The following SGCZ variants were observed in gnomAD, a reference collection of about 807,000 sequenced individuals.
SGCZ encodes the protein sarcoglycan zeta.
A neutral mutation model predicts 41.3 loss-of-function variants in SGCZ; 40 were observed. That is an observed-to-expected ratio of 0.97 (90% confidence interval 0.75 to 1.26). The LOEUF is 1.26. Among genes scored for constraint, SGCZ ranks in the 50% most tolerant of loss-of-function variants. The pLI is 0.00. For missense variants in SGCZ, 552 were observed against 369.8 expected, an observed-to-expected ratio of 1.49 and a Z score of -4.04; for synonymous variants, 206 against 137.5, an observed-to-expected ratio of 1.50 and a Z score of -3.49.
At chr8:14,439,400 T>C (rs911239583) in intron 2 of SGCZ, among the ~76,000 whole-genome samples, 12 of 150,950 alleles carry the variant, frequency 7.9e-5, no homozygotes, top group African/African-American at 2.9e-4. Context: ...CAATTTCTAC[T>C]AGAAAATACA....
chr8:15,050,325 G>C (rs75251466), intron 1 of SGCZ, among the ~76,000 whole-genome samples: 1 of 152,152 alleles, frequency 6.6e-6, no homozygotes, highest in Non-Finnish European at 1.5e-5. Flanking sequence ...GTTCAGAGGA[G>C]AGGTTTATGT....
At chr8:14,655,572 A>G (rs939792558) in intron 1 of SGCZ, among the ~76,000 whole-genome samples, 1 of 152,106 alleles carries the variant, frequency 6.6e-6, no homozygotes, top group Non-Finnish European at 1.5e-5. Context: ...TTTTGAGATA[A>G]TTGGAAATTC....
rs191854451 is a variant in SGCZ, at chr8:15,020,783, G to A, written c.39+216802C>T. ...ACAGTGAAAAGTAGCTAACACAACAGTGCTTATTTAAACTATCCACACTTG... is the reference window on the plus strand; with the variant it reads ...ACAGTGAAAAGTAGCTAACACAACAATGCTTATTTAAACTATCCACACTTG... On this transcript the variant is annotated intron_variant, in intron 1 of 7. Coordinates refer to ENST00000382080, the MANE Select transcript of SGCZ (RefSeq NM_139167.4). 1.6e-4 allele frequency among the ~76,000 whole-genome samples: 25 copies of A among 152,270 alleles called. No individual in the cohort carries two copies. The East Asian group carries it at 4.6e-3, about 28-fold the overall frequency.
chr8:14,265,236 C>T (rs12549721), intron 3 of SGCZ, among the ~76,000 whole-genome samples: 18,210 of 152,110 alleles, frequency 0.12, 1,210 homozygotes, highest in Middle Eastern at 0.17. Context: ...CTCAAGGCGG[C>T]AGTGTTTACC....
chr8:14,418,546 C>G (rs1184597339), intron 2 of SGCZ, among the ~76,000 whole-genome samples: 1 of 151,840 alleles, frequency 6.6e-6, no homozygotes, highest in African/African-American at 2.4e-5. Context: ...AATGGTTTGT[C>G]TCATTGTTTT....
chr8:15,185,981 T>C (rs1563172145), intron 1 of SGCZ, among the ~76,000 whole-genome samples: 1 of 151,574 alleles, frequency 6.6e-6, no homozygotes, highest in Non-Finnish European at 1.5e-5. Context: ...TCCCAGCACT[T>C]TGGGAGGCCG....
At chr8:15,147,523 C>T (rs946732773) in intron 1 of SGCZ, among the ~76,000 whole-genome samples, 1 of 152,298 alleles carries the variant, frequency 6.6e-6, no homozygotes. Context: ...GGTGATCCAC[C>T]TCCCTCGGCC....
chr8:15,216,049 G>C (rs1801388347), intron 1 of SGCZ, among the ~76,000 whole-genome samples: 1 of 151,940 alleles, frequency 6.6e-6, no homozygotes, highest in African/African-American at 2.4e-5. Flanking sequence ...TAATTCAGAA[G>C]AGCAGCATCC....
At chr8:14,800,511 T>G (rs1301314316) in intron 1 of SGCZ, among the ~76,000 whole-genome samples, 1 of 152,202 alleles carries the variant, frequency 6.6e-6, no homozygotes. Flanking sequence ...GAATTGTAAT[T>G]CACAGGTTTT....
chr8:14,198,014 A>G (rs1465315646), intron 4 of SGCZ, among the ~76,000 whole-genome samples: 1 of 152,212 alleles, frequency 6.6e-6, no homozygotes, highest in Non-Finnish European at 1.5e-5. Context: ...GAAAGGGATT[A>G]TTAGGAATTA....
intron 1 of SGCZ, among the ~76,000 whole-genome samples, chr8:14,848,931 G>A (rs935934243): frequency 6.6e-6 from 1 of 152,226 alleles, no homozygotes; most frequent in Non-Finnish European, 1.5e-5. Context: ...GATGAAATCT[G>A]TGTAAAGGAT....
intron 2 of SGCZ, among the ~76,000 whole-genome samples, chr8:14,386,690 T>C (rs752466546): frequency 2.0e-5 from 3 of 152,188 alleles, no homozygotes; most frequent in East Asian, 1.9e-4. Context: ...ATCATTATTA[T>C]AGAAATGGGC....
chr8:14,542,986 A>C lies in SGCZ; in HGVS notation c.234+11746T>G, dbSNP rs185331380. On this transcript the variant is annotated intron_variant, in intron 2 of 7. Coordinates refer to ENST00000382080, the MANE Select transcript of SGCZ (RefSeq NM_139167.4). ...ATTCATTCAGCTAGAAAGGGGGAAAACCAGTGATTGTAAACAAGCTTAAGT... is the reference window on the plus strand; with the variant it reads ...ATTCATTCAGCTAGAAAGGGGGAAACCCAGTGATTGTAAACAAGCTTAAGT... Among the ~76,000 whole-genome samples the C allele has an allele frequency of 3.5e-3, 532 of 152,078 alleles. 1 individual carries two copies. Among genetic ancestry groups the C allele is most frequent in the Non-Finnish European group, 5.8e-3 (395 of 67,964 alleles).
At chr8:14,248,491 T>G (rs1311378621) in intron 3 of SGCZ, among the ~76,000 whole-genome samples, 1 of 152,124 alleles carries the variant, frequency 6.6e-6, no homozygotes, top group African/African-American at 2.4e-5. Context: ...AAGCCTCTAT[T>G]AAACTGGTTT....
intron 1 of SGCZ, among the ~76,000 whole-genome samples, chr8:15,004,579 C>A (rs1374443089): frequency 6.6e-6 from 1 of 152,166 alleles, no homozygotes; most frequent in Non-Finnish European, 1.5e-5. Context: ...GTTTCAGCAG[C>A]CTGCTCTGCT....
At chr8:14,198,488 T>A (rs148313249) in intron 4 of SGCZ, among the ~76,000 whole-genome samples, 1 of 152,024 alleles carries the variant, frequency 6.6e-6, no homozygotes, top group Non-Finnish European at 1.5e-5. Context: ...ACCTATTGAA[T>A]AGTATGCAAA....
intron 2 of SGCZ, among the ~76,000 whole-genome samples, chr8:14,506,056 G>C (rs1317984826): frequency 6.6e-6 from 1 of 151,494 alleles, no homozygotes; most frequent in Non-Finnish European, 1.5e-5. Context: ...CAATTTTCTG[G>C]GCCAGGTGCA....
chr8:14,774,730 C>A (rs989136362), intron 1 of SGCZ, among the ~76,000 whole-genome samples: 11 of 152,126 alleles, frequency 7.2e-5, no homozygotes, highest in Non-Finnish European at 1.5e-4. Flanking sequence ...TTAATTGAAC[C>A]AATGATCTTC....
chr8:14,665,053 A>C (rs1056078103), intron 1 of SGCZ, among the ~76,000 whole-genome samples: 3 of 152,114 alleles, frequency 2.0e-5, no homozygotes, highest in African/African-American at 4.8e-5. Context: ...TAGGGTACAT[A>C]TGCACAACGT....
Sources: gnomAD v4.1 joint callset for allele counts (sites outside exome capture counted in the v4.1 genomes callset) on GRCh38, gnomAD v4.1.1 for gene constraint, MANE v1.5 for transcripts, NCBI Gene and HGNC (gene_info 2026-07-23, HGNC 2026-07-21) for gene names.